EYS: variants seen among roughly 807,000 people sequenced by gnomAD.
The protein encoded by EYS is protein eyes shut homolog.
EYS carries 250 observed loss-of-function variants against 282.1 expected under a neutral mutation model. That is an observed-to-expected ratio of 0.89 (90% CI 0.80 to 0.98). The LOEUF (loss-of-function observed/expected upper bound fraction) is 0.98, where lower values mean the gene tolerates loss of function less well. Ranked by LOEUF, EYS falls within the 50% of genes least tolerant of loss-of-function variation. The pLI is 0.00. For missense variants in EYS, 4,016 were observed against 3,709.0 expected (o/e 1.08, Z -2.15); for synonymous variants, 1,355 against 1,282.9 (o/e 1.06, Z -1.20).
chr6:64,310,885 A>G (rs1400985534), intron 29 of EYS, among the ~76,000 whole-genome samples: 1 of 152,198 alleles, frequency 6.6e-6, no homozygotes, highest in Non-Finnish European at 1.5e-5. Flanking sequence ...TATCATTTAT[A>G]TAAAAGTATA....
At chr6:64,323,325 T>C (rs1301009378) in intron 29 of EYS, among the ~76,000 whole-genome samples, 1 of 152,156 alleles carries the variant, frequency 6.6e-6, no homozygotes, top group Non-Finnish European at 1.5e-5. Flanking sequence ...TTTCTTAACA[T>C]TTCTCTATGT....
chr6:64,908,551 G>C (rs1280945169), intron 16 of EYS, among the ~76,000 whole-genome samples: 1 of 151,898 alleles, frequency 6.6e-6, no homozygotes, highest in Non-Finnish European at 1.5e-5. Flanking sequence ...AGAAGAATGA[G>C]GTCATGCAGA....
At chr6:65,193,354 C>CT (rs1392072461) in intron 12 of EYS, among the ~76,000 whole-genome samples, 1 of 151,848 alleles carries the variant, frequency 6.6e-6, no homozygotes, top group Non-Finnish European at 1.5e-5. Flanking sequence ...ATGCCTCTTC[C>CT]TTTGTAACCC....
At chr6:64,280,960 G>C (rs536308836) in intron 30 of EYS, among the ~76,000 whole-genome samples, 2 of 152,182 alleles carry the variant, frequency 1.3e-5, no homozygotes, top group African/African-American at 4.8e-5. Context: ...TGTTTCCTTT[G>C]TTGGTAAAAG....
intron 30 of EYS, among the ~76,000 whole-genome samples, chr6:64,244,125 C>A (rs1766927907): frequency 6.6e-6 from 1 of 152,050 alleles, no homozygotes; most frequent in African/African-American, 2.4e-5. Flanking sequence ...TAATTGTAAT[C>A]TTCATTTAAT....
At chr6:65,549,380 AT>A (rs1483867830) in intron 2 of EYS, among the ~76,000 whole-genome samples, 2 of 152,172 alleles carry the variant, frequency 1.3e-5, no homozygotes, top group African/African-American at 4.8e-5. Context: ...CTACTTTGTT[AT>A]GCTCTATACC....
chr6:63,724,485 T>C (rs1768537039), intron 42 of EYS, among the ~76,000 whole-genome samples: 1 of 152,200 alleles, frequency 6.6e-6, no homozygotes. Flanking sequence ...ACTAGGCCTT[T>C]TTATACACGT....
chr6:65,388,147 A>C (rs189680556), intron 7 of EYS, among the ~76,000 whole-genome samples: 1 of 152,020 alleles, frequency 6.6e-6, no homozygotes, highest in Non-Finnish European at 1.5e-5. Flanking sequence ...GGATTTCAGG[A>C]AGCAAATAAT....
At chr6:64,716,916 G>A (rs772688308) in intron 22 of EYS, among the ~76,000 whole-genome samples, 7 of 152,072 alleles carry the variant, frequency 4.6e-5, no homozygotes, top group South Asian at 2.1e-4. Context: ...AAAGTGAATC[G>A]CCTGTAGCAA....
intron 33 of EYS, among the ~76,000 whole-genome samples, chr6:64,032,237 G>A (rs758824386): frequency 4.6e-5 from 7 of 152,004 alleles, no homozygotes; most frequent in Admixed American, 2.0e-4. Flanking sequence ...ATAAACTCCC[G>A]ACGCACCACC....
At chr6:64,554,251 C>T (rs368430839) in intron 26 of EYS, among the ~76,000 whole-genome samples, 2 of 152,118 alleles carry the variant, frequency 1.3e-5, no homozygotes, top group East Asian at 1.9e-4. Flanking sequence ...AATTGTAATG[C>T]CATTCCATTT....
chr6:65,105,829 T>C (rs1276362694), intron 12 of EYS, among the ~76,000 whole-genome samples: 1 of 151,924 alleles, frequency 6.6e-6, no homozygotes, highest in African/African-American at 2.4e-5. Flanking sequence ...TTACATGCTA[T>C]TGCTAGAGCA....
At chr6:65,438,730 G>C (rs1768185345) in intron 5 of EYS, among the ~76,000 whole-genome samples, 1 of 152,046 alleles carries the variant, frequency 6.6e-6, no homozygotes, top group Admixed American at 6.6e-5. Flanking sequence ...GTTTGTTTCA[G>C]TTCTTTGTAG....
At chr6:64,649,167 C>T (rs372212310) in intron 22 of EYS, among the ~76,000 whole-genome samples, 5 of 152,178 alleles carry the variant, frequency 3.3e-5, no homozygotes, top group East Asian at 1.9e-4. Context: ...GAAATTATAA[C>T]AAAATTTAAT....
At chr6:64,127,894 G>A (rs577488275) in intron 31 of EYS, among the ~76,000 whole-genome samples, 14 of 152,154 alleles carry the variant, frequency 9.2e-5, no homozygotes, top group African/African-American at 3.1e-4. Flanking sequence ...ACGCAGCAAA[G>A]AATTGTATCT....
At chr6:64,890,050 C>A (rs936128883) in intron 18 of EYS, among the ~76,000 whole-genome samples, 32 of 149,588 alleles carry the variant, frequency 2.1e-4, no homozygotes, top group African/African-American at 6.7e-4. Flanking sequence ...TAAATGCCCC[C>A]CCCCCCCAAG....
chr6:63,926,913 G>C (rs934824556), intron 35 of EYS, among the ~76,000 whole-genome samples: 7 of 152,186 alleles, frequency 4.6e-5, no homozygotes, highest in Non-Finnish European at 1.0e-4. Flanking sequence ...GTACTAAGCA[G>C]ATATAAGATT....
chr6:64,512,011 G>A (rs779274970), intron 26 of EYS, among the ~76,000 whole-genome samples: 3 of 151,960 alleles, frequency 2.0e-5, no homozygotes, highest in Non-Finnish European at 4.4e-5. Context: ...TCTATACCTT[G>A]TCCTTTCTGA....
chr6:64,955,331 C>CA (rs1562274578), intron 14 of EYS, among the ~76,000 whole-genome samples: 2 of 150,102 alleles, frequency 1.3e-5, no homozygotes, highest in African/African-American at 4.9e-5. Flanking sequence ...AAGAGGACAT[C>CA]AAAAAAATGA....
Sources: allele counts gnomAD v4.1 joint callset (sites outside exome capture counted in the v4.1 genomes callset), GRCh38; gene constraint gnomAD v4.1.1; transcripts MANE v1.5; gene names NCBI Gene and HGNC (gene_info 2026-07-23, HGNC 2026-07-21).